ST14: variants seen among roughly 807,000 people sequenced by gnomAD.
ST14 encodes the protein ST14 transmembrane serine protease matriptase, also known as suppressor of tumorigenicity 14 protein.
ST14 carries 40 observed loss-of-function variants against 96.5 expected under a neutral mutation model. The observed-to-expected ratio is 0.41, with a 90% CI of 0.32 to 0.54. ST14 has a LOEUF of 0.54. Ranked by LOEUF, ST14 falls within the 20% of genes least tolerant of loss-of-function variation. ST14 has a pLI of 0.17. For synonymous variants in ST14, 506 were observed against 492.1 expected (o/e 1.03, Z -0.37); for missense variants, 1,066 against 1,188.9 (o/e 0.90, Z 1.52).
chr11:130,191,028 A>G (rs1953292776), intron 7 of ST14, among the ~76,000 whole-genome samples: 1 of 152,250 alleles, frequency 6.6e-6, no homozygotes, highest in Admixed American at 6.5e-5. Context: ...TATGAAGGCC[A>G]ACAGATCAGG....
chr11:130,208,561 G>A lies in ST14; in HGVS notation c.2146G>A (p.Glu716Lys). The change falls in exon 17 of 19, where the codon GAG (glutamate) becomes AAG (lysine). Residue 716 changes from glutamate to lysine, a missense_variant. Coordinates refer to ENST00000278742, the MANE Select transcript of ST14 (RefSeq NM_021978.4). The part of the protein sequence containing the change: ...FTFDYDIALL[E>K]LEKPAEYSSM... Reference sequence around the variant, plus strand: ...CTTCGACTATGACATCGCGCTGCTGGAGCTGGAGAAACCGGCAGAGTACAG... The same window carrying A: ...CTTCGACTATGACATCGCGCTGCTGAAGCTGGAGAAACCGGCAGAGTACAG... The A allele has an allele frequency of 1.2e-6, 2 of 1,614,252 alleles. No homozygotes were observed. The highest frequency in any genetic ancestry group is 1.7e-6 in the Non-Finnish European group (2 of 1,180,046).
chr11:130,166,338 C>T (rs193124096), intron 1 of ST14, among the ~76,000 whole-genome samples: 1 of 152,274 alleles, frequency 6.6e-6, no homozygotes, highest in African/African-American at 2.4e-5. Context: ...GTTTTATTGG[C>T]CTCCTGTCTG....
intron 17 of ST14, 42 bp from the exon 18 acceptor site, chr11:130,209,400 C>G (rs1288449062): frequency 6.4e-7 from 1 of 1,559,060 alleles, no homozygotes; most frequent in Admixed American, 1.9e-5. Flanking sequence ...ACGCTGCCCT[C>G]GAAGCAGCCC....
intron 1 of ST14, among the ~76,000 whole-genome samples, chr11:130,165,942 G>T (rs1953037586): frequency 6.6e-6 from 1 of 152,204 alleles, no homozygotes; most frequent in Non-Finnish European, 1.5e-5. Context: ...TGATGGTGAA[G>T]GTTGCATATC....
In ST14 at chr11:130,188,185, C is replaced by G. The variant is rs781287843; in HGVS notation, c.153C>G (p.Gly51=). The change falls in exon 2 of 19, where the codon GGC becomes GGG. Residue 51 remains glycine, a synonymous_variant. Coordinates refer to ENST00000278742, the MANE Select transcript of ST14 (RefSeq NM_021978.4). The surrounding 1 kb of genome is among the most constrained non-coding windows in gnomAD (Gnocchi z 5.4). ...ACGTCAAGAAGGTGGAAAAGCATGG[C>G]CCGGGGCGCTGGGTGGTGCTGGCAG... The part of the protein sequence containing the change: ...VNNVKKVEKH[G]PGRWVVLAAV... 1 of 1,614,198 alleles carries G rather than the reference C, an allele frequency of 6.2e-7. No homozygotes were observed. Among genetic ancestry groups the G allele is most frequent in the South Asian group, 1.1e-5 (1 of 91,082 alleles).
At chr11:130,198,281 G>C (rs374541262) in intron 12 of ST14, 27 bp from the exon 13 acceptor site, 14 of 1,607,684 alleles carry the variant, frequency 8.7e-6, no homozygotes, top group Non-Finnish European at 1.2e-5. Context: ...AGGGCCTCAC[G>C]GCCGACCTCC....
chr11:130,163,544 G>A (rs999692167), intron 1 of ST14, among the ~76,000 whole-genome samples: 2 of 152,188 alleles, frequency 1.3e-5, no homozygotes, highest in African/African-American at 2.4e-5. Context: ...GTGAGCCACT[G>A]TGCCCACATA....
At position 130,198,560 on chromosome 11, in the gene ST14, C is replaced by T. The variant is rs1953393467; in HGVS notation, c.1623C>T (p.Ser541=). ...RCSNGKCLSK[S]QQCNGKDDCG... Reference sequence around the variant, plus strand: ...CCAATGGGAAGTGCCTCTCGAAAAGCCAGCAGTGCAATGGGAAGGACGACT... The same window carrying T: ...CCAATGGGAAGTGCCTCTCGAAAAGTCAGCAGTGCAATGGGAAGGACGACT... Residue 541 remains serine (S), a synonymous_variant, in exon 14 of 19, where the codon AGC becomes AGT. Coordinates refer to ENST00000278742, the MANE Select transcript of ST14 (RefSeq NM_021978.4). 6.2e-7 allele frequency: 1 copy of T among 1,614,120 alleles called. No individual in the cohort carries two copies. The highest frequency in any genetic ancestry group is 1.1e-5 in the South Asian group (1 of 91,084).
intron 9 of ST14, among the ~76,000 whole-genome samples, chr11:130,196,015 C>A (rs1210238841): frequency 1.3e-5 from 2 of 151,912 alleles, no homozygotes; most frequent in Non-Finnish European, 2.9e-5. Context: ...AAAAAATTAT[C>A]TGGGTGTTGT....
In ST14 at chr11:130,188,251, C is replaced by T; in HGVS notation, c.219C>T (p.Gly73=). The T allele has an allele frequency of 6.2e-7, 1 of 1,613,866 alleles. No individual in the cohort carries two copies. Among genetic ancestry groups the T allele is most frequent in the Non-Finnish European group, 8.5e-7 (1 of 1,179,812 alleles). Residue 73 remains glycine (G), a synonymous_variant, in exon 2 of 19, where the codon GGC becomes GGT. Coordinates refer to ENST00000278742, the MANE Select transcript of ST14 (RefSeq NM_021978.4). This position sits in a 1 kb window ranked among gnomAD's most constrained non-coding sequence, Gnocchi z 5.4. ...IGLLLVLLGI[G]FLVWHLQYRD... is the part of the protein sequence containing the mutation. ...TCCTCTTGGTCTTGCTGGGGATCGG[C>T]TTCCTGGTGTGGCATTTGCAGTGTG...
Position 130,181,540 on chromosome 11 carries a change from C to T in ST14, c.82-6574C>T, listed in dbSNP as rs528737847. 1.9e-4 allele frequency among the ~76,000 whole-genome samples: 29 copies of T among 152,282 alleles called. No homozygotes were observed. Among genetic ancestry groups the T allele is most frequent in the Admixed American group, 9.8e-4 (15 of 15,290 alleles). On this transcript the variant is annotated intron_variant, in intron 1 of 18. Transcript: ENST00000278742. This position sits in a 1 kb window ranked among gnomAD's most constrained non-coding sequence, Gnocchi z 4.1. ...GAGAGACAGGAGAAGTGAAAGCAGGCGCAGGCATAGGATCTCTCCTGTCGG... is the reference window on the plus strand; with the variant it reads ...GAGAGACAGGAGAAGTGAAAGCAGGTGCAGGCATAGGATCTCTCCTGTCGG...
chr11:130,197,872 G>A lies in ST14; in HGVS notation c.1386G>A (p.Gly462=), dbSNP rs761489455. 4.5e-5 allele frequency: 72 copies of A among 1,592,812 alleles called. No homozygotes were observed. The highest frequency in any genetic ancestry group is 6.0e-5 in the Non-Finnish European group (70 of 1,173,154). Residue 462 remains glycine, a synonymous_variant, in exon 12 of 19, where the codon GGG becomes GGA. Transcript: ENST00000278742. ...PCPGQFTCRT[G]RCIRKELRCD... ...CGGGGCAGTTCACGTGCCGCACGGG[G>A]CGGTGTATCCGGAAGGAGCTGCGCT... is the stretch of plus-strand genomic sequence containing the variant.
intron 1 of ST14, among the ~76,000 whole-genome samples, chr11:130,166,421 A>T (rs967654067): frequency 6.6e-6 from 1 of 152,142 alleles, no homozygotes; most frequent in Non-Finnish European, 1.5e-5. Flanking sequence ...GGCTGTGCCT[A>T]AGGGGGGGTC....
At chr11:130,163,909 C>T (rs1953021587) in intron 1 of ST14, among the ~76,000 whole-genome samples, 2 of 152,222 alleles carry the variant, frequency 1.3e-5, no homozygotes, top group Non-Finnish European at 2.9e-5. Context: ...ACGTTGTCAC[C>T]GGCTGCGGAA....
chr11:130,209,449 C>T lies in ST14; in HGVS notation c.2277C>T (p.Gly759=), dbSNP rs748084680. 6 of 1,582,386 alleles carry T rather than the reference C, an allele frequency of 3.8e-6. No homozygotes were observed. Among genetic ancestry groups the T allele is most frequent in the Non-Finnish European group, 4.3e-6 (5 of 1,164,302 alleles). The change falls in exon 18 of 19, where the codon GGC becomes GGT. Residue 759 remains glycine, a synonymous_variant. Transcript: ENST00000278742. ...GWGHTQYGGT[G]ALILQKGEIR... ...GTCCTGCCCTCTCCCCAGGCACTGGCGCGCTGATCCTGCAAAAGGGTGAGA... is the reference window on the plus strand; with the variant it reads ...GTCCTGCCCTCTCCCCAGGCACTGGTGCGCTGATCCTGCAAAAGGGTGAGA...
chr11:130,198,786 G>A (rs925406774), intron 14 of ST14, among the ~76,000 whole-genome samples, 161 bp from the exon 15 acceptor site: 1 of 152,210 alleles, frequency 6.6e-6, no homozygotes, highest in Non-Finnish European at 1.5e-5. Flanking sequence ...TCCAGAAGGT[G>A]GAGAACCTGT....
At chr11:130,190,221 G>A in intron 6 of ST14, 73 bp downstream of exon 6, 1 of 1,591,932 alleles carries the variant, frequency 6.3e-7, no homozygotes, top group East Asian at 2.2e-5. Context: ...TGAGCCAGTG[G>A]GGTCCCCAGA....
intron 14 of ST14, 31 bp downstream of exon 14, chr11:130,198,652 G>C (rs773172177): frequency 6.3e-7 from 1 of 1,598,732 alleles, no homozygotes; most frequent in Non-Finnish European, 8.6e-7. Flanking sequence ...CTTCCTGTTG[G>C]GGGCCTCGCC....
chr11:130,185,295 T>C (rs1953227378), intron 1 of ST14, among the ~76,000 whole-genome samples: 1 of 151,886 alleles, frequency 6.6e-6, no homozygotes, highest in African/African-American at 2.4e-5. Flanking sequence ...AATAATGAGA[T>C]GGATAATACA....
Sources: allele counts gnomAD v4.1 joint callset (sites outside exome capture counted in the v4.1 genomes callset), GRCh38; gene constraint gnomAD v4.1.1; non-coding constraint Gnocchi (gnomAD v3.1); transcripts MANE v1.5; gene names NCBI Gene and HGNC (gene_info 2026-07-23, HGNC 2026-07-21).